ANKRD30B: variants seen among roughly 807,000 people sequenced by gnomAD.
ANKRD30B encodes the protein ankyrin repeat domain 30B, also known as ankyrin repeat domain-containing protein 30B.
In ANKRD30B, 144 loss-of-function variants were observed where a neutral mutation model predicts 202.2. The observed-to-expected ratio is 0.71, with a 90% CI of 0.62 to 0.82. The LOEUF is 0.82. Ranked by LOEUF, ANKRD30B falls within the 40% of genes least tolerant of loss-of-function variation. The pLI, the probability that ANKRD30B is intolerant of heterozygous loss-of-function variation, is 0.00. For missense variants in ANKRD30B, 1,487 were observed against 1,669.1 expected, an observed-to-expected ratio of 0.89 and a Z score of 1.90; for synonymous variants, 508 against 561.3, an observed-to-expected ratio of 0.91 and a Z score of 1.34.
At chr18:14,809,952 A>G (rs755529799) in intron 26 of ANKRD30B, 34 bp from the exon 27 acceptor site, 5 of 1,397,856 alleles carry the variant, frequency 3.6e-6, no homozygotes, top group Middle Eastern at 1.9e-4. Flanking sequence ...TCAGGCTTGC[A>G]TATAATCAAT....
chr18:14,932,521 G>GT, the ANKRD30B span, among the ~76,000 whole-genome samples: 3 of 152,146 alleles, frequency 2.0e-5, no homozygotes, highest in Non-Finnish European at 2.9e-5. Context: ...TGTATTTTTA[G>GT]TAGAGACGGG....
the ANKRD30B span, among the ~76,000 whole-genome samples, chr18:14,915,787 C>G: frequency 3.3e-5 from 5 of 152,138 alleles, no homozygotes; most frequent in African/African-American, 1.2e-4. Context: ...TGTCCTGATA[C>G]GTAGATATAG....
the ANKRD30B span, among the ~76,000 whole-genome samples, chr18:14,861,521 A>T: frequency 1.3e-5 from 2 of 151,052 alleles, no homozygotes; most frequent in Non-Finnish European, 2.9e-5. Flanking sequence ...AAAAAGAAAT[A>T]CAAAGAATGA....
At chr18:14,834,809 C>A (rs1360816811) in intron 34 of ANKRD30B, among the ~76,000 whole-genome samples, 1 of 151,766 alleles carries the variant, frequency 6.6e-6, no homozygotes, top group Non-Finnish European at 1.5e-5. Flanking sequence ...AGTGTGTCAA[C>A]AAAAAAATTA....
chr18:14,918,968 CAT>C, the ANKRD30B span, among the ~76,000 whole-genome samples: 3 of 152,170 alleles, frequency 2.0e-5, no homozygotes, highest in Non-Finnish European at 4.4e-5. Context: ...CAGCTTCTGC[CAT>C]GTGATGACAC....
chr18:14,826,691 T>TCACA (rs767398948), intron 32 of ANKRD30B, among the ~76,000 whole-genome samples: 1,495 of 83,738 alleles, frequency 0.018, 13 homozygotes, highest in East Asian at 0.075. Context: ...TCTCTCTCTC[T>TCACA]CTCACACACA....
downstream of ANKRD30B, among the ~76,000 whole-genome samples, chr18:14,854,847 A>G (rs959446396): frequency 6.7e-6 from 1 of 149,930 alleles, no homozygotes; most frequent in Admixed American, 6.7e-5. Flanking sequence ...ACACACACAC[A>G]CACACACACA....
chr18:14,861,639 C>A, the ANKRD30B span, among the ~76,000 whole-genome samples: 3 of 149,754 alleles, frequency 2.0e-5, no homozygotes, highest in African/African-American at 7.4e-5. Flanking sequence ...TATTACTAGA[C>A]CTAAGAAAAG....
intron 6 of ANKRD30B, among the ~76,000 whole-genome samples, chr18:14,761,733 G>A (rs1915295115): frequency 6.6e-6 from 1 of 151,358 alleles, no homozygotes; most frequent in South Asian, 2.1e-4. Context: ...TTTATTTATT[G>A]TAGAGACAGG....
the ANKRD30B span, among the ~76,000 whole-genome samples, chr18:14,914,141 TAA>T: frequency 6.6e-6 from 1 of 152,236 alleles, no homozygotes; most frequent in African/African-American, 2.4e-5. Flanking sequence ...TATTTTAGCA[TAA>T]AAACAGGTTG....
chr18:14,828,356 T>C lies in ANKRD30B; in HGVS notation c.2774+48T>C, dbSNP rs977893840. The C allele has an allele frequency of 6.9e-6, 9 of 1,312,152 alleles. No homozygotes were observed. In the African/African-American group the frequency reaches 9.0e-5, roughly 13 times the overall value. 81.3% of individuals were successfully genotyped at this position (1,312,152 alleles called of 1,614,324 possible). A position where few individuals can be genotyped will look rare whatever the true frequency, so the allele number is the denominator to read the frequency against. On this transcript the variant is annotated intron_variant, in intron 33 of 43. Coordinates refer to ENST00000690538, the MANE Select transcript of ANKRD30B (RefSeq NM_001367607.2). ...AACGTATATGTTAACTCAGAAAATA[T>C]AGAGAAAAGAAATCACTATCTGCTG... is the stretch of plus-strand genomic sequence containing the variant.
chr18:14,862,143 G>A, the ANKRD30B span, among the ~76,000 whole-genome samples: 1 of 151,748 alleles, frequency 6.6e-6, no homozygotes, highest in South Asian at 2.1e-4. Flanking sequence ...ACAATGTTAA[G>A]AGGAGAGTTT....
intron 34 of ANKRD30B, among the ~76,000 whole-genome samples, chr18:14,835,554 GTTTC>G (rs1213021577): frequency 6.6e-6 from 1 of 151,468 alleles, no homozygotes; most frequent in African/African-American, 2.4e-5. Flanking sequence ...GAACTTTTTA[GTTTC>G]TTTCTTCACT....
intron 35 of ANKRD30B, 140 bp from the exon 36 acceptor site, chr18:14,837,475 C>G: frequency 2.3e-6 from 2 of 858,662 alleles, no homozygotes; most frequent in Non-Finnish European, 3.4e-6. Flanking sequence ...TTTTTCTGAA[C>G]CTGCTTCAAT....
chr18:14,780,624 T>G (rs1223725448), intron 11 of ANKRD30B, among the ~76,000 whole-genome samples: 1 of 152,248 alleles, frequency 6.6e-6, no homozygotes, highest in East Asian at 1.9e-4. Context: ...ATTAAAGAAT[T>G]ACTCTGAGTC....
the ANKRD30B span, among the ~76,000 whole-genome samples, chr18:14,896,353 G>A: frequency 0.011 from 1,616 of 152,166 alleles, 35 homozygotes; most frequent in African/African-American, 0.037. Flanking sequence ...GGATGGTCTC[G>A]ATCTCCTGAC....
At chr18:14,880,546 A>C in the ANKRD30B span, among the ~76,000 whole-genome samples, 23 of 144,908 alleles carry the variant, frequency 1.6e-4, no homozygotes, top group African/African-American at 5.1e-4. Context: ...TGTGTCGTCT[A>C]TGATTTCTTT....
At chr18:14,906,546 A>G in the ANKRD30B span, among the ~76,000 whole-genome samples, 4 of 152,218 alleles carry the variant, frequency 2.6e-5, no homozygotes, top group African/African-American at 7.2e-5. Flanking sequence ...TACACATTGA[A>G]CTAAATGTAT....
At chr18:14,870,543 G>A in the ANKRD30B span, among the ~76,000 whole-genome samples, 7 of 152,266 alleles carry the variant, frequency 4.6e-5, no homozygotes, top group African/African-American at 9.6e-5. Context: ...TCCCACAGGC[G>A]TTTGGAAGCC....
Sources: gnomAD v4.1 joint callset for allele counts (sites outside exome capture counted in the v4.1 genomes callset) on GRCh38, gnomAD v4.1.1 for gene constraint, MANE v1.5 for transcripts, NCBI Gene and HGNC (gene_info 2026-07-23, HGNC 2026-07-21) for gene names.